VMP1: variants seen among roughly 807,000 people sequenced by gnomAD.
VMP1 encodes ectopic P-granules autophagy protein 3 homolog.
A neutral mutation model predicts 56.0 loss-of-function variants in VMP1; 11 were observed. That is an observed-to-expected ratio of 0.20 (90% CI 0.12 to 0.32). VMP1 has a LOEUF of 0.32. VMP1 is among the 10% of genes least tolerant of loss of function. The pLI, the probability that VMP1 is intolerant of heterozygous loss-of-function variation, is 1.00. For missense variants in VMP1, 296 were observed against 490.3 expected (o/e 0.60, Z 3.74); for synonymous variants, 149 against 165.0 (o/e 0.90, Z 0.74).
intron 5 of VMP1, among the ~76,000 whole-genome samples, chr17:59,739,450 C>T (rs547759556): frequency 6.0e-5 from 9 of 149,688 alleles, no homozygotes; most frequent in Admixed American, 1.3e-4. Flanking sequence ...CTGGGCTGGG[C>T]GTGGTGGCTC....
At chr17:59,759,874 T>A (rs2035977843) in intron 5 of VMP1, among the ~76,000 whole-genome samples, 1 of 147,188 alleles carries the variant, frequency 6.8e-6, no homozygotes. Flanking sequence ...GATTTTTTTG[T>A]TTTGTTTTGT....
chr17:59,809,716 C>T (rs954614921), intron 8 of VMP1, among the ~76,000 whole-genome samples: 4 of 150,776 alleles, frequency 2.7e-5, no homozygotes, highest in African/African-American at 4.9e-5. Context: ...CCGTTTTAGC[C>T]GGGATGGTCT....
chr17:59,782,760 T>A (rs190360833), intron 7 of VMP1, among the ~76,000 whole-genome samples: 210 of 151,894 alleles, frequency 1.4e-3, no homozygotes, highest in African/African-American at 4.8e-3. Context: ...TTAGAAAATA[T>A]GGGTTTTTAT....
intron 7 of VMP1, among the ~76,000 whole-genome samples, chr17:59,787,034 C>G (rs1250201959): frequency 2.6e-5 from 4 of 152,158 alleles, no homozygotes; most frequent in African/African-American, 9.7e-5. Flanking sequence ...ACAGTTGGCT[C>G]ATGATTTTAT....
At chr17:59,764,827 C>A in intron 5 of VMP1, 144 bp from the exon 6 acceptor site, 1 of 557,182 alleles carries the variant, frequency 1.8e-6, no homozygotes, top group Non-Finnish European at 2.8e-6. Context: ...ATATTACTAA[C>A]TGCATCTTGA....
intron 7 of VMP1, among the ~76,000 whole-genome samples, chr17:59,799,201 A>G (rs1391689339): frequency 1.3e-5 from 2 of 152,200 alleles, no homozygotes; most frequent in African/African-American, 4.8e-5. Flanking sequence ...CATGTTTTAC[A>G]TATAATCTCT....
intron 9 of VMP1, among the ~76,000 whole-genome samples, chr17:59,813,073 G>A (rs114204382): frequency 5.4e-4 from 82 of 152,162 alleles, no homozygotes; most frequent in African/African-American, 1.9e-3. Context: ...GGAAAACTTC[G>A]GCTGCTTCTA....
chr17:59,821,539 C>CTTTTTTTTT (rs530907168), intron 10 of VMP1, among the ~76,000 whole-genome samples: 65 of 104,686 alleles, frequency 6.2e-4, no homozygotes, highest in Middle Eastern at 5.3e-3. Flanking sequence ...AGCTACTTTT[C>CTTTTTTTTT]TTTTTTTTTT....
At chr17:59,723,332 G>A (rs1254174046) in intron 1 of VMP1, among the ~76,000 whole-genome samples, 5 of 152,216 alleles carry the variant, frequency 3.3e-5, no homozygotes, top group African/African-American at 1.2e-4. Flanking sequence ...AGAATATAAA[G>A]GAACATAAAA....
chr17:59,732,120 A>G (rs1407782957), intron 2 of VMP1, among the ~76,000 whole-genome samples: 1 of 151,820 alleles, frequency 6.6e-6, no homozygotes, highest in Non-Finnish European at 1.5e-5. Flanking sequence ...CTTTTTTTTT[A>G]GCTTTTGAAT....
At chr17:59,819,910 C>T (rs1019693917) in intron 10 of VMP1, among the ~76,000 whole-genome samples, 17 of 152,302 alleles carry the variant, frequency 1.1e-4, no homozygotes, top group Admixed American at 2.6e-4. Flanking sequence ...CTCCTGCATC[C>T]TCACCATGAG....
At chr17:59,765,702 G>T (rs111317503) in intron 6 of VMP1, among the ~76,000 whole-genome samples, 1 of 151,986 alleles carries the variant, frequency 6.6e-6, no homozygotes, top group Non-Finnish European at 1.5e-5. Context: ...AGGAGGAGGC[G>T]GAGGGAAAGA....
Position 59,808,788 on chromosome 17 carries a change from T to A in VMP1, c.715-8T>A. On this transcript the variant is annotated splice_region_variant and splice_polypyrimidine_tract_variant and intron_variant, in intron 7 of 11. Transcript: ENST00000262291. The stretch of plus-strand genomic sequence containing the variant: ...CTCATTAATGTTTCTAAATTTGCCT[T>A]TTTACAGGACTTTGCCTCCCGGGCC... 6.2e-7 allele frequency: 1 copy of A among 1,612,232 alleles called. No individual in the cohort carries two copies. The highest frequency in any genetic ancestry group is 8.5e-7 in the Non-Finnish European group (1 of 1,179,360).
chr17:59,778,540 C>CAAAA (rs58638800), intron 7 of VMP1, among the ~76,000 whole-genome samples: 6 of 119,602 alleles, frequency 5.0e-5, no homozygotes, highest in Non-Finnish European at 9.4e-5. Context: ...GACTCTGTCT[C>CAAAA]AAAAAAAAAA....
chr17:59,737,694 A>G, intron 4 of VMP1, 151 bp downstream of exon 4: 1 of 609,702 alleles, frequency 1.6e-6, no homozygotes, highest in Non-Finnish European at 2.7e-6. Context: ...TTAAAGGCAT[A>G]CACTAAAAAT....
At position 59,841,358 on chromosome 17, in the gene VMP1, C is replaced by T. The variant is rs1391304001; in HGVS notation, c.*1447C>T. 8.0e-6 allele frequency: 4 copies of T among 497,220 alleles called. No homozygotes were observed. Among genetic ancestry groups the T allele is most frequent in the Admixed American group, 7.8e-5 (4 of 51,076 alleles). The allele number at this position is 497,220 out of a possible 1,614,324, so 30.8% of individuals were successfully genotyped here. A position where few individuals can be genotyped will look rare whatever the true frequency, so the allele number is the denominator to read the frequency against. ...TGACATTTTGGTATCTTTCATCTGA[C>T]CATCCATATCCAATGTTCTCATTTA... On this transcript the variant is annotated 3_prime_UTR_variant, in exon 12 of 12. Coordinates refer to ENST00000262291, the MANE Select transcript of VMP1 (RefSeq NM_030938.5).
intron 1 of VMP1, among the ~76,000 whole-genome samples, chr17:59,718,675 TTTTG>T (rs1306804052): frequency 1.3e-5 from 2 of 151,914 alleles, no homozygotes; most frequent in Middle Eastern, 3.4e-3. Context: ...GGCTAATTGT[TTTTG>T]TTTGTTTGTT....
rs116664980 is a variant in VMP1, at chr17:59,767,605, T to C, written c.582+2467T>C. On this transcript the variant is annotated intron_variant, in intron 6 of 11. Transcript: ENST00000262291. ...AATTATTTACATTGCTGGATTAACC[T>C]TAAGGCCAACAAATGAAAACCACTA... 4.9e-3 allele frequency among the ~76,000 whole-genome samples: 752 copies of C among 152,294 alleles called. 9 individuals are homozygous for C. Among genetic ancestry groups the C allele is most frequent in the African/African-American group, 0.017 (686 of 41,552 alleles).
rs112624890 is a variant in VMP1, at chr17:59,718,306, C to T, written c.-27+10558C>T. On this transcript the variant is annotated intron_variant, in intron 1 of 11. Transcript: ENST00000262291. ...CTGCCTTCTGGGTTCACGCCATTCT[C>T]CTGCCTCAGCCTCCCAAGTAGCTGG... 6.6e-3 allele frequency among the ~76,000 whole-genome samples: 985 copies of T among 148,354 alleles called. 14 individuals carry two copies. Among genetic ancestry groups the T allele is most frequent in the African/African-American group, 0.023 (945 of 40,552 alleles).
Sources: allele counts gnomAD v4.1 joint callset (sites outside exome capture counted in the v4.1 genomes callset), GRCh38; gene constraint gnomAD v4.1.1; transcripts MANE v1.5; gene names NCBI Gene and HGNC (gene_info 2026-07-23, HGNC 2026-07-21).